SLC2A14: variants seen among roughly 807,000 people sequenced by gnomAD.
SLC2A14 encodes the protein solute carrier family 2 member 14.
In SLC2A14, 13 loss-of-function variants were observed where a neutral mutation model predicts 43.0. That is an observed-to-expected ratio of 0.30 (90% CI 0.20 to 0.48). The LOEUF (loss-of-function observed/expected upper bound fraction) is 0.48, where lower values mean the gene tolerates loss of function less well. SLC2A14 is among the 20% of genes least tolerant of loss of function. SLC2A14 has a pLI of 0.99. For synonymous variants in SLC2A14, 190 were observed against 233.8 expected (o/e 0.81, Z 1.71); for missense variants, 428 against 620.4 (o/e 0.69, Z 3.29).
At chr12:7,882,254 G>GCCTTAAGAGATTC (rs1565589627) in intron 1 of SLC2A14, among the ~76,000 whole-genome samples, 2 of 151,800 alleles carry the variant, frequency 1.3e-5, no homozygotes, top group African/African-American at 2.4e-5. Context: ...CAGACGGGTT[G>GCCTTAAGAGATTC]CCTTAAGAGA....
At chr12:7,876,440 C>A (rs931958083), upstream of SLC2A14, among the ~76,000 whole-genome samples, 1 of 152,030 alleles carries the variant, frequency 6.6e-6, no homozygotes, top group Non-Finnish European at 1.5e-5. Flanking sequence ...TTCCCAGCCA[C>A]CCAAATCAAG....
At chr12:7,835,960 G>T (rs896736506) in intron 2 of SLC2A14, among the ~76,000 whole-genome samples, 21 of 152,234 alleles carry the variant, frequency 1.4e-4, no homozygotes, top group African/African-American at 5.1e-4. Context: ...GTCTAAACTG[G>T]GTTTAAATCA....
chr12:7,839,747 C>G (rs1360237748), intron 2 of SLC2A14: 1 of 434,618 alleles, frequency 2.3e-6, no homozygotes, highest in African/African-American at 2.1e-5. Flanking sequence ...CATGAGGGCT[C>G]TGCCTCCATG....
intron 2 of SLC2A14, among the ~76,000 whole-genome samples, chr12:7,844,883 T>A (rs1866330711): frequency 6.6e-6 from 1 of 152,134 alleles, no homozygotes; most frequent in Admixed American, 6.6e-5. Context: ...ATCTTTGTCT[T>A]AATATGTATA....
intron 2 of SLC2A14, chr12:7,863,219 T>A (rs1211980186): frequency 3.1e-6 from 1 of 326,648 alleles, no homozygotes; most frequent in African/African-American, 2.2e-5. Flanking sequence ...CGCGCTGCCT[T>A]AAGAGCTGCG....
At chr12:7,824,135 A>G (rs1478602605) in intron 7 of SLC2A14, among the ~76,000 whole-genome samples, 1 of 152,008 alleles carries the variant, frequency 6.6e-6, no homozygotes, top group Non-Finnish European at 1.5e-5. Flanking sequence ...AGGTGCCTGT[A>G]GTCCCAGCTA....
intron 2 of SLC2A14, among the ~76,000 whole-genome samples, chr12:7,852,022 G>C (rs1866976081): frequency 6.6e-6 from 1 of 152,142 alleles, no homozygotes; most frequent in South Asian, 2.1e-4. Context: ...GATTAGTATA[G>C]CCTCATTCCA....
intron 2 of SLC2A14, among the ~76,000 whole-genome samples, chr12:7,852,762 TGC>T (rs1355016978): frequency 1.3e-5 from 2 of 152,088 alleles, no homozygotes; most frequent in Non-Finnish European, 1.5e-5. Flanking sequence ...TTAGACACCA[TGC>T]ACCTTGATTT....
chr12:7,878,839 T>G (rs1350050863), intron 1 of SLC2A14, among the ~76,000 whole-genome samples: 6 of 151,558 alleles, frequency 4.0e-5, no homozygotes, highest in Non-Finnish European at 7.4e-5. Flanking sequence ...TAGCTGGGCA[T>G]GCTGGCACCT....
upstream of SLC2A14, among the ~76,000 whole-genome samples, chr12:7,877,920 T>G (rs1162985584): frequency 1.3e-5 from 2 of 148,190 alleles, no homozygotes; most frequent in Non-Finnish European, 2.9e-5. Context: ...TTTTTGTATT[T>G]TTAGTAGAGA....
At chr12:7,876,601 C>G (rs544047894), upstream of SLC2A14, among the ~76,000 whole-genome samples, 10 of 152,222 alleles carry the variant, frequency 6.6e-5, no homozygotes, top group South Asian at 4.2e-4. Flanking sequence ...GGGTATATAT[C>G]CAAAGGAAAT....
At chr12:7,815,822 C>G (rs150973632) in intron 10 of SLC2A14, among the ~76,000 whole-genome samples, 1 of 152,058 alleles carries the variant, frequency 6.6e-6, no homozygotes, top group African/African-American at 2.4e-5. Flanking sequence ...GTGATCCTCT[C>G]GCCTTGGTCT....
upstream of SLC2A14, among the ~76,000 whole-genome samples, chr12:7,874,776 T>TAAATAC (rs1338015645): frequency 0.57 from 26,370 of 46,466 alleles, 8,209 homozygotes; most frequent in Middle Eastern, 0.79. Flanking sequence ...TATAAACATA[T>TAAATAC]ATAAATATAT....
rs142865064 is a variant in SLC2A14, at chr12:7,858,335, G to C, written c.18+11528C>G. 1.5e-3 allele frequency among the ~76,000 whole-genome samples: 223 copies of C among 151,912 alleles called. No individual in the cohort carries two copies. The Middle Eastern group carries it at 0.017, about 12-fold the overall frequency. On this transcript the variant is annotated intron_variant, in intron 2 of 10. Coordinates refer to ENST00000431042, the MANE Select transcript of SLC2A14 (RefSeq NM_001286234.2). ...TGACAAAACCTATCATTCTCTCCTTGTTCATATAAATGGGTTGTATTTTAT... is the reference window on the plus strand; with the variant it reads ...TGACAAAACCTATCATTCTCTCCTTCTTCATATAAATGGGTTGTATTTTAT...
intron 5 of SLC2A14, 105 bp from the exon 6 acceptor site, chr12:7,828,971 C>A (rs1295239526): frequency 6.4e-6 from 9 of 1,407,400 alleles, no homozygotes; most frequent in Non-Finnish European, 8.7e-6. Context: ...GCCTGTAATT[C>A]CAGCACTTTG....
At chr12:7,882,422 A>G (rs757499456) in intron 1 of SLC2A14, among the ~76,000 whole-genome samples, 7 of 152,104 alleles carry the variant, frequency 4.6e-5, no homozygotes, top group African/African-American at 1.2e-4. Context: ...GCGAGGGTCC[A>G]TGGCTTCATT....
chr12:7,885,689 A>G lies in SLC2A14; in HGVS notation c.132+5307T>C, dbSNP rs113586080. On this transcript the variant is annotated intron_variant, in intron 1 of 9. Coordinates refer to the SLC2A14 transcript ENST00000539924. ...AAGAAAAGTAAACAGACAAACAAACAAACAAAAATCAGAGATTCATAAAGG... is the reference window on the plus strand; with the variant it reads ...AAGAAAAGTAAACAGACAAACAAACGAACAAAAATCAGAGATTCATAAAGG... 0.015 allele frequency among the ~76,000 whole-genome samples: 2,352 copies of G among 152,178 alleles called. 149 individuals are homozygous for G. In the East Asian group the frequency reaches 0.22, roughly 14 times the overall value.
chr12:7,882,127 C>T (rs996766504), intron 1 of SLC2A14, among the ~76,000 whole-genome samples: 1 of 152,064 alleles, frequency 6.6e-6, no homozygotes, highest in South Asian at 2.1e-4. Flanking sequence ...AGTCTTGTTG[C>T]TGCTCAGTTT....
At chr12:7,866,151 G>A (rs2121033197) in intron 2 of SLC2A14, among the ~76,000 whole-genome samples, 1 of 150,710 alleles carries the variant, frequency 6.6e-6, no homozygotes, top group Non-Finnish European at 1.5e-5. Context: ...CTGGAACCCA[G>A]TGGGCAGAGG....
Sources: allele counts gnomAD v4.1 joint callset (sites outside exome capture counted in the v4.1 genomes callset), GRCh38; gene constraint gnomAD v4.1.1; transcripts MANE v1.5; gene names NCBI Gene and HGNC (gene_info 2026-07-23, HGNC 2026-07-21).